Variants in CCDC88A observed in about 807,000 individuals in gnomAD.
The protein encoded by CCDC88A is girdin.
In CCDC88A, 54 loss-of-function variants were observed where a neutral mutation model predicts 234.3. The observed-to-expected ratio is 0.23, with a 90% CI of 0.19 to 0.29. The LOEUF (loss-of-function observed/expected upper bound fraction) is 0.29, where lower values mean the gene tolerates loss of function less well. Among genes scored for constraint, CCDC88A ranks in the 10% least tolerant of loss-of-function variants. The pLI is 1.00. For missense variants in CCDC88A, 1,832 were observed against 2,123.4 expected (o/e 0.86, Z 2.70); for synonymous variants, 753 against 737.8 (o/e 1.02, Z -0.33).
intron 2 of CCDC88A, among the ~76,000 whole-genome samples, chr2:55,415,396 A>T (rs1681197920): frequency 6.6e-6 from 1 of 152,186 alleles, no homozygotes; most frequent in African/African-American, 2.4e-5. Context: ...GGGGAAAAAA[A>T]GACAAAATAC....
chr2:55,361,805 A>C (rs1259838646), intron 7 of CCDC88A: 1 of 152,376 alleles, frequency 6.6e-6, no homozygotes, highest in Non-Finnish European at 1.5e-5. Context: ...CTCTGTTTTA[A>C]CGGACTTAAA....
chr2:55,415,649 C>T lies in CCDC88A; in HGVS notation c.164+3167G>A, dbSNP rs147304388. 4.9e-4 allele frequency among the ~76,000 whole-genome samples: 75 copies of T among 152,218 alleles called. 1 individual carries two copies. Among genetic ancestry groups the T allele is most frequent in the African/African-American group, 1.8e-3 (74 of 41,526 alleles). On this transcript the variant is annotated intron_variant, in intron 2 of 32. Transcript: ENST00000436346. ...GGGCAGAGTACTTAACAGAGTTGAACAGTGAGAAAGATCTGCAGAGGGTAT... is the reference window on the plus strand; with the variant it reads ...GGGCAGAGTACTTAACAGAGTTGAATAGTGAGAAAGATCTGCAGAGGGTAT...
intron 3 of CCDC88A, among the ~76,000 whole-genome samples, chr2:55,375,511 ATGTATG>A (rs1553423737): frequency 0.087 from 1,263 of 14,540 alleles, 6 homozygotes; most frequent in Non-Finnish European, 0.11. Context: ...ATATATATAT[ATGTATG>A]TATGTATAAA....
At chr2:55,410,156 G>C (rs1680239421) in intron 2 of CCDC88A, among the ~76,000 whole-genome samples, 1 of 152,256 alleles carries the variant, frequency 6.6e-6, no homozygotes, top group East Asian at 1.9e-4. Flanking sequence ...TCTGTCCTTA[G>C]AAAAGACTGT....
At chr2:55,367,598 C>T (rs1269137991) in intron 5 of CCDC88A, among the ~76,000 whole-genome samples, 1 of 137,484 alleles carries the variant, frequency 7.3e-6, no homozygotes, top group Admixed American at 7.9e-5. Context: ...CAGGCATGAT[C>T]ATACCATATG....
At chr2:55,385,825 C>T (rs1362137787) in intron 3 of CCDC88A, among the ~76,000 whole-genome samples, 1 of 127,174 alleles carries the variant, frequency 7.9e-6, no homozygotes, top group East Asian at 2.3e-4. Context: ...TGCACTCCAG[C>T]CTAGGTAACA....
intron 2 of CCDC88A, among the ~76,000 whole-genome samples, chr2:55,391,164 C>T (rs1574427559): frequency 6.6e-6 from 1 of 152,110 alleles, no homozygotes; most frequent in Admixed American, 6.5e-5. Flanking sequence ...ACTTAATGAA[C>T]ATCCAGAACA....
intron 3 of CCDC88A, among the ~76,000 whole-genome samples, chr2:55,376,152 T>C (rs934093313): frequency 1.3e-5 from 2 of 152,188 alleles, no homozygotes; most frequent in African/African-American, 2.4e-5. Context: ...AAGAAATACA[T>C]TGTATCTGCC....
At position 55,335,329 on chromosome 2, in the gene CCDC88A, TG is replaced by T. The variant is rs1685348659; in HGVS notation, c.1657-166del. 2.0e-5 allele frequency among the ~76,000 whole-genome samples: 1 copy of T among 50,520 alleles called. No homozygotes were observed. Among genetic ancestry groups the T allele is most frequent in the Non-Finnish European group, 3.8e-5 (1 of 26,116 alleles). The allele number at this position is 50,520 out of a possible 152,430, so 33.1% of individuals were successfully genotyped here. A position where few individuals can be genotyped will look rare whatever the true frequency, so the allele number is the denominator to read the frequency against. Reference sequence around the variant, plus strand: ...ACTGAAGACCACTGTGTACACTTACTGTGAGGTCATTTACTGAAGACCACTG... The same window carrying T: ...ACTGAAGACCACTGTGTACACTTACTTGAGGTCATTTACTGAAGACCACTG... On this transcript the variant is annotated intron_variant, in intron 14 of 32. Transcript: ENST00000436346. This position sits in a 1 kb window ranked among gnomAD's most constrained non-coding sequence, Gnocchi z 4.5.
chr2:55,384,171 C>A (rs921073190), intron 3 of CCDC88A, among the ~76,000 whole-genome samples: 1 of 151,770 alleles, frequency 6.6e-6, no homozygotes, highest in Non-Finnish European at 1.5e-5. Context: ...CAAAGACAGA[C>A]CTTGTTTCAA....
intron 12 of CCDC88A, among the ~76,000 whole-genome samples, chr2:55,342,520 A>G (rs1188472295): frequency 6.6e-6 from 1 of 152,216 alleles, no homozygotes. Flanking sequence ...TAACTAACAC[A>G]GTAATTCTAA....
intron 8 of CCDC88A, 50 bp from the exon 9 acceptor site, chr2:55,349,649 A>T (rs1220078461): frequency 3.2e-6 from 4 of 1,239,782 alleles, no homozygotes; most frequent in Non-Finnish European, 4.7e-6. Context: ...GAAAACTGTG[A>T]TCATCATCTG....
chr2:55,375,005 T>A (rs559478836), intron 3 of CCDC88A, 122 bp from the exon 4 acceptor site: 6 of 570,074 alleles, frequency 1.1e-5, no homozygotes, highest in South Asian at 5.8e-5. Context: ...TAAACAAATA[T>A]GGAAAAAGTT....
chr2:55,304,636 T>C (rs1681314660), intron 25 of CCDC88A, among the ~76,000 whole-genome samples: 1 of 152,142 alleles, frequency 6.6e-6, no homozygotes, highest in South Asian at 2.1e-4. Flanking sequence ...TTTTAGATAT[T>C]TTGAAGAGCT....
chr2:55,336,731 C>T lies in CCDC88A; in HGVS notation c.1606G>A (p.Ala536Thr). ...NLSKDLMKEK[A>T]QLEKTIETLR... ...GTTTCTATTGTTTTTTCAAGCTGAG[C>T]TTTCTCCTTCATTAGATCCTTGCTT... Residue 536 changes from alanine to threonine, a missense_variant, in exon 14 of 33, where the codon GCT (alanine) becomes ACT (threonine). By Grantham distance (58) the Ala-to-Thr change is moderately conservative. Coordinates refer to ENST00000436346, the MANE Select transcript of CCDC88A (RefSeq NM_001365480.1). 6.3e-7 allele frequency: 1 copy of T among 1,596,776 alleles called. No homozygotes were observed. Among genetic ancestry groups the T allele is most frequent in the Non-Finnish European group, 8.5e-7 (1 of 1,170,646 alleles).
rs200620301 is a variant in CCDC88A at position 55,380,461 on chromosome 2, G to C, written c.274-5578C>G. Reference sequence around the variant, plus strand: ...TGGAGAACTACAATCATTAAGAAAAGACAGAAAAAAGAAAGAACTGGCAGA... The same window carrying C: ...TGGAGAACTACAATCATTAAGAAAACACAGAAAAAAGAAAGAACTGGCAGA... On this transcript the variant is annotated intron_variant, in intron 3 of 32. Coordinates refer to ENST00000436346, the MANE Select transcript of CCDC88A (RefSeq NM_001365480.1). 1.3e-4 allele frequency among the ~76,000 whole-genome samples: 17 copies of C among 126,110 alleles called. No individual in the cohort carries two copies. The East Asian group carries it at 3.5e-3, about 26-fold the overall frequency. The allele number at this position is 126,110 out of a possible 152,430, so 82.7% of individuals were successfully genotyped here.
chr2:55,305,981 T>C (rs1185084707), intron 25 of CCDC88A: 1 of 152,286 alleles, frequency 6.6e-6, no homozygotes, highest in African/African-American at 2.4e-5. Flanking sequence ...AGTGGCGTGA[T>C]CTCAGCTCAC....
At position 55,334,848 on chromosome 2, in the gene CCDC88A, A is replaced by G. The variant is rs1685298263; in HGVS notation, c.1973T>C (p.Ile658Thr). 1 of 1,536,502 alleles carries G rather than the reference A, an allele frequency of 6.5e-7. No individual in the cohort carries two copies. Among genetic ancestry groups the G allele is most frequent in the Non-Finnish European group, 8.8e-7 (1 of 1,131,202 alleles). Residue 658 changes from isoleucine to threonine, a missense_variant, in exon 15 of 33, where the codon ATT (isoleucine) becomes ACT (threonine). Coordinates refer to ENST00000436346, the MANE Select transcript of CCDC88A (RefSeq NM_001365480.1). The surrounding 1 kb of genome is among the most constrained non-coding windows in gnomAD (Gnocchi z 6.1). The part of the protein sequence containing the change: ...ITNLKITCEK[I>T]EALEQENSEL... ...TGAATTTTCTTGTTCTAAGGCCTCA[A>G]TTTTTTCACAAGTAATTTTTAAATT...
rs769191425 is a variant in CCDC88A at position 55,339,539 on chromosome 2, A to G, written c.1443T>C (p.Thr481=). 1 of 1,613,734 alleles carries G rather than the reference A, an allele frequency of 6.2e-7. No individual in the cohort carries two copies. The highest frequency in any genetic ancestry group is 8.5e-7 in the Non-Finnish European group (1 of 1,179,856). ...CATTGCCTTCTACAGAATCCACAGT[A>G]GTCCGAAGCTCTTCTACGGTTTTTG... ...SLTKTVEELR[T]TVDSVEGNAS... Residue 481 remains threonine (T), a synonymous_variant, in exon 13 of 33, where the codon ACT becomes ACC. Coordinates refer to ENST00000436346, the MANE Select transcript of CCDC88A (RefSeq NM_001365480.1).
Sources: allele counts gnomAD v4.1 joint callset (sites outside exome capture counted in the v4.1 genomes callset), GRCh38; gene constraint gnomAD v4.1.1; non-coding constraint Gnocchi (gnomAD v3.1); transcripts MANE v1.5; gene names NCBI Gene and HGNC (gene_info 2026-07-23, HGNC 2026-07-21).